Variants in SLC71A2 observed in about 807,000 individuals in gnomAD.
SLC71A2 encodes the protein hippocampus abundant transcript-like 1.
At chr9:94,407,240 G>A in the SLC71A2 span, among the ~76,000 whole-genome samples, 1 of 151,780 alleles carries the variant, frequency 6.6e-6, no homozygotes, top group African/African-American at 2.4e-5. Flanking sequence ...TAGGTGAACT[G>A]TTATTACATT....
the SLC71A2 span, among the ~76,000 whole-genome samples, chr9:94,452,670 TATATATTC>T: frequency 8.9e-4 from 48 of 53,814 alleles, no homozygotes; most frequent in African/African-American, 1.7e-3. Flanking sequence ...TATATATTCA[TATATATTC>T]ATATATTCAT....
At chr9:94,387,030 A>C in the SLC71A2 span, among the ~76,000 whole-genome samples, 1 of 151,922 alleles carries the variant, frequency 6.6e-6, no homozygotes, top group Non-Finnish European at 1.5e-5. Context: ...TTCAATATGA[A>C]TATTACTATT....
the SLC71A2 span, among the ~76,000 whole-genome samples, chr9:94,428,948 T>C: frequency 6.6e-6 from 1 of 151,866 alleles, no homozygotes; most frequent in Non-Finnish European, 1.5e-5. Context: ...CAGATTGGTT[T>C]GTTTCACTTA....
the SLC71A2 span, among the ~76,000 whole-genome samples, chr9:94,408,597 C>T: frequency 6.6e-6 from 1 of 151,564 alleles, no homozygotes; most frequent in Non-Finnish European, 1.5e-5. Flanking sequence ...TTATGTGTTT[C>T]TAGGAGTTTG....
At chr9:94,428,000 T>TAG in the SLC71A2 span, among the ~76,000 whole-genome samples, 1 of 151,928 alleles carries the variant, frequency 6.6e-6, no homozygotes, top group Non-Finnish European at 1.5e-5. Context: ...CAGGTTCCTG[T>TAG]AGTCCCAGCT....
the SLC71A2 span, among the ~76,000 whole-genome samples, chr9:94,457,612 C>T: frequency 1.3e-5 from 2 of 152,266 alleles, no homozygotes; most frequent in South Asian, 2.1e-4. Context: ...GATGTGATGA[C>T]CCATCCGTGG....
chr9:94,411,089 A>G, the SLC71A2 span, among the ~76,000 whole-genome samples: 2 of 151,896 alleles, frequency 1.3e-5, no homozygotes, highest in Non-Finnish European at 2.9e-5. Flanking sequence ...ATATGGCAGG[A>G]CAGGTATCCT....
the SLC71A2 span, among the ~76,000 whole-genome samples, chr9:94,417,853 ACCCCACCCCCCCCCC>A: frequency 2.2e-5 from 1 of 44,592 alleles, no homozygotes; most frequent in African/African-American, 6.6e-5. Flanking sequence ...GCAAGTTCCC[ACCCCACCCCCCCCCC>A]CCCCCCCCGA....
the SLC71A2 span, chr9:94,460,855 T>G: frequency 6.6e-6 from 1 of 152,276 alleles, no homozygotes; most frequent in South Asian, 2.1e-4. Flanking sequence ...ACATATCTTT[T>G]TACTATGCTA....
chr9:94,388,467 G>C, the SLC71A2 span, among the ~76,000 whole-genome samples: 2 of 152,212 alleles, frequency 1.3e-5, no homozygotes, highest in Non-Finnish European at 2.9e-5. Flanking sequence ...AGATATGTAT[G>C]TACTAATTGT....
the SLC71A2 span, among the ~76,000 whole-genome samples, chr9:94,390,066 T>G: frequency 2.6e-5 from 4 of 152,134 alleles, no homozygotes; most frequent in African/African-American, 9.6e-5. Flanking sequence ...TACAAAAAAT[T>G]AGCCGGGCGT....
At chr9:94,415,896 C>G in the SLC71A2 span, among the ~76,000 whole-genome samples, 2 of 152,266 alleles carry the variant, frequency 1.3e-5, no homozygotes, top group African/African-American at 2.4e-5. Context: ...AAGTCTGTAA[C>G]TTCTTTAGGA....
chr9:94,455,707 T>G, the SLC71A2 span, among the ~76,000 whole-genome samples: 1 of 152,158 alleles, frequency 6.6e-6, no homozygotes, highest in Non-Finnish European at 1.5e-5. Flanking sequence ...CACTCACACT[T>G]CATACTGATA....
chr9:94,387,426 TA>T, the SLC71A2 span, among the ~76,000 whole-genome samples: 2 of 138,296 alleles, frequency 1.4e-5, no homozygotes, highest in Non-Finnish European at 3.1e-5. Context: ...CCTGGTTTGC[TA>T]TTTTTTTTTT....
the SLC71A2 span, chr9:94,459,733 C>T: frequency 7.5e-6 from 2 of 268,076 alleles, no homozygotes; most frequent in Non-Finnish European, 1.4e-5. Context: ...CCTGTAATGA[C>T]TATAGAGTAA....
At chr9:94,409,078 C>G in the SLC71A2 span, among the ~76,000 whole-genome samples, 3 of 150,334 alleles carry the variant, frequency 2.0e-5, no homozygotes, top group East Asian at 3.9e-4. Flanking sequence ...CGTGATCCGC[C>G]TGCCTCGGCC....
chr9:94,457,424 T>C, the SLC71A2 span, among the ~76,000 whole-genome samples: 1 of 151,376 alleles, frequency 6.6e-6, no homozygotes, highest in East Asian at 1.9e-4. Context: ...AGTAAAAAAC[T>C]ATATTGGAAA....
At chr9:94,394,937 G>A in the SLC71A2 span, among the ~76,000 whole-genome samples, 1 of 67,502 alleles carries the variant, frequency 1.5e-5, no homozygotes, top group African/African-American at 7.0e-5. Context: ...TTTTTGAGAC[G>A]GTGTCTTGCT....
At chr9:94,386,064 A>T in the SLC71A2 span, among the ~76,000 whole-genome samples, 1 of 152,026 alleles carries the variant, frequency 6.6e-6, no homozygotes, top group African/African-American at 2.4e-5. Context: ...AATAGTATTG[A>T]TAGCTTAGTG....
Sources: allele counts gnomAD v4.1 joint callset (sites outside exome capture counted in the v4.1 genomes callset), GRCh38; gene constraint gnomAD v4.1.1; transcripts MANE v1.5; gene names NCBI Gene and HGNC (gene_info 2026-07-23, HGNC 2026-07-21).